LRP1B: variants seen among roughly 807,000 people sequenced by gnomAD.
LRP1B encodes the protein LDL receptor related protein 1B.
In LRP1B, 217 loss-of-function variants were observed where a neutral mutation model predicts 556.6. The ratio of observed to expected loss-of-function variants is 0.39; its 90% CI spans 0.35 to 0.44. The LOEUF is 0.44. Among genes scored for constraint, LRP1B ranks in the 20% least tolerant of loss-of-function variants. The pLI is 1.00. For missense variants in LRP1B, 5,053 were observed against 5,620.8 expected (o/e 0.90, Z 3.23); for synonymous variants, 2,047 against 1,865.8 (o/e 1.10, Z -2.50).
chr2:140,643,046 G>A (rs976561389), intron 41 of LRP1B, among the ~76,000 whole-genome samples: 1 of 150,972 alleles, frequency 6.6e-6, no homozygotes, highest in Non-Finnish European at 1.5e-5. Flanking sequence ...GATGTAATAT[G>A]AACACAGAGT....
At chr2:141,341,793 A>G (rs1181661917) in intron 3 of LRP1B, among the ~76,000 whole-genome samples, 1 of 152,170 alleles carries the variant, frequency 6.6e-6, no homozygotes, top group African/African-American at 2.4e-5. Context: ...GCATCATAAG[A>G]TGGAAAGATC....
chr2:141,489,419 A>G (rs16846227), intron 2 of LRP1B, among the ~76,000 whole-genome samples: 4,768 of 152,058 alleles, frequency 0.031, 274 homozygotes, highest in African/African-American at 0.11. Context: ...GTATGAAAAA[A>G]TTGCATTATA....
At chr2:140,400,617 A>G (rs767881046) in intron 66 of LRP1B, among the ~76,000 whole-genome samples, 12 of 152,186 alleles carry the variant, frequency 7.9e-5, no homozygotes, top group South Asian at 2.1e-4. Context: ...GCAGACTGGA[A>G]GCAGTGCTAG....
At position 140,850,145 on chromosome 2, in the gene LRP1B, T is replaced by C. The variant is rs2105117421; in HGVS notation, c.4896A>G (p.Arg1632=). The C allele has an allele frequency of 6.2e-7, 1 of 1,613,634 alleles. No individual in the cohort carries two copies. Among genetic ancestry groups the C allele is most frequent in the Non-Finnish European group, 8.5e-7 (1 of 1,179,726 alleles). ...CTAACCCAGTTCCGTTAATAAAAGC[T>C]CGTTTAATGGTTTGTGTTTTAATAT... ...WTDIKTQTIK[R]AFINGTGLET... The change falls in exon 29 of 91, where the codon CGA becomes CGG. Residue 1632 remains arginine, a synonymous_variant. Coordinates refer to ENST00000389484, the MANE Select transcript of LRP1B (RefSeq NM_018557.3).
chr2:140,396,188 G>A (rs183958766), intron 66 of LRP1B, among the ~76,000 whole-genome samples: 7 of 152,274 alleles, frequency 4.6e-5, no homozygotes, highest in African/African-American at 1.4e-4. Context: ...GATTCTGGTA[G>A]AATATTCTAG....
chr2:142,082,753 G>GA (rs1705767905), intron 1 of LRP1B, among the ~76,000 whole-genome samples: 1 of 152,112 alleles, frequency 6.6e-6, no homozygotes, highest in Admixed American at 6.5e-5. Context: ...CAAAATCATG[G>GA]TTTTGTTAAA....
At chr2:141,655,133 G>GT (rs1558783915) in intron 2 of LRP1B, among the ~76,000 whole-genome samples, 1 of 152,120 alleles carries the variant, frequency 6.6e-6, no homozygotes, top group Non-Finnish European at 1.5e-5. Context: ...ACTGAGGAGC[G>GT]TAAGTATTGA....
chr2:141,521,194 G>A (rs72992760), intron 2 of LRP1B, among the ~76,000 whole-genome samples: 6,317 of 152,112 alleles, frequency 0.042, 452 homozygotes, highest in African/African-American at 0.14. Flanking sequence ...TCTTGGGTCT[G>A]ACCCTTTATA....
At chr2:140,769,867 CTT>C (rs1689248088) in intron 34 of LRP1B, among the ~76,000 whole-genome samples, 1 of 151,784 alleles carries the variant, frequency 6.6e-6, no homozygotes, top group East Asian at 1.9e-4. Context: ...CTTCATAAAT[CTT>C]TGTCATACTA....
chr2:140,480,051 T>C (rs1273139346), intron 59 of LRP1B, among the ~76,000 whole-genome samples: 1 of 152,186 alleles, frequency 6.6e-6, no homozygotes, highest in Non-Finnish European at 1.5e-5. Context: ...AATTTAGCAG[T>C]CTCCGTGTTA....
chr2:141,959,783 A>G (rs1701352040), intron 1 of LRP1B, among the ~76,000 whole-genome samples: 1 of 151,968 alleles, frequency 6.6e-6, no homozygotes, highest in Admixed American at 6.6e-5. Context: ...GAATATCTCA[A>G]TTAGAATTAG....
intron 1 of LRP1B, among the ~76,000 whole-genome samples, chr2:141,822,176 C>G (rs930904706): frequency 1.5e-5 from 2 of 131,936 alleles, no homozygotes; most frequent in Admixed American, 1.6e-4. Context: ...AAAACCCTGT[C>G]TTTTATTTAG....
chr2:142,056,945 A>T, intron 1 of LRP1B, among the ~76,000 whole-genome samples: 1 of 152,126 alleles, frequency 6.6e-6, no homozygotes, highest in Non-Finnish European at 1.5e-5. Flanking sequence ...CCTAAATTAC[A>T]TGCTAAATGT....
intron 2 of LRP1B, among the ~76,000 whole-genome samples, chr2:141,570,335 C>T (rs938274714): frequency 6.6e-6 from 1 of 150,832 alleles, no homozygotes; most frequent in African/African-American, 2.4e-5. Context: ...GAACCCACTC[C>T]CCTAGCCAAG....
intron 7 of LRP1B, among the ~76,000 whole-genome samples, chr2:141,094,829 G>T (rs1027821669): frequency 2.0e-5 from 3 of 152,178 alleles, no homozygotes; most frequent in Non-Finnish European, 2.9e-5. Flanking sequence ...GTTAAGCTCA[G>T]ATTCAAGCCA....
chr2:141,983,113 C>A (rs1702086864), intron 1 of LRP1B, among the ~76,000 whole-genome samples: 1 of 152,028 alleles, frequency 6.6e-6, no homozygotes, highest in Non-Finnish European at 1.5e-5. Flanking sequence ...ACAGGAGAAC[C>A]ACAGGAGATG....
At chr2:141,788,618 G>C (rs1225117385) in intron 2 of LRP1B, among the ~76,000 whole-genome samples, 1 of 151,874 alleles carries the variant, frequency 6.6e-6, no homozygotes, top group African/African-American at 2.4e-5. Flanking sequence ...TGCCATGTTG[G>C]TGTGCTGCAC....
At chr2:140,503,894 A>G (rs1315372033) in intron 53 of LRP1B, among the ~76,000 whole-genome samples, 1 of 152,112 alleles carries the variant, frequency 6.6e-6, no homozygotes, top group Non-Finnish European at 1.5e-5. Context: ...TCCAACGGAA[A>G]ATATACTCAA....
At chr2:140,933,494 C>A (rs867452697) in intron 20 of LRP1B, among the ~76,000 whole-genome samples, 1 of 151,956 alleles carries the variant, frequency 6.6e-6, no homozygotes, top group African/African-American at 2.4e-5. Flanking sequence ...GAATAGGGAA[C>A]CAGAATTTAA....
Sources: gnomAD v4.1 joint callset for allele counts (sites outside exome capture counted in the v4.1 genomes callset) on GRCh38, gnomAD v4.1.1 for gene constraint, MANE v1.5 for transcripts, NCBI Gene and HGNC (gene_info 2026-07-23, HGNC 2026-07-21) for gene names.